FGGY: variants seen among roughly 807,000 people sequenced by gnomAD.
FGGY encodes FGGY carbohydrate kinase domain-containing protein.
A neutral mutation model predicts 71.3 loss-of-function variants in FGGY; 72 were observed. The observed-to-expected ratio is 1.01, with a 90% CI of 0.84 to 1.23. The LOEUF (loss-of-function observed/expected upper bound fraction) is 1.23. Ranked by LOEUF, FGGY falls within the 50% of genes most tolerant of loss-of-function variation. FGGY has a pLI of 0.00. For synonymous variants in FGGY, 251 were observed against 250.3 expected, an observed-to-expected ratio of 1.00 and a Z score of -0.02; for missense variants, 668 against 682.3, an observed-to-expected ratio of 0.98 and a Z score of 0.23.
intron 14 of FGGY, among the ~76,000 whole-genome samples, chr1:59,743,286 A>G (rs961405366): frequency 6.6e-6 from 1 of 152,148 alleles, no homozygotes; most frequent in African/African-American, 2.4e-5. Flanking sequence ...TAGTTCCATA[A>G]GTTTCCATAG....
At chr1:59,701,369 T>C (rs958687423) in intron 14 of FGGY, among the ~76,000 whole-genome samples, 1 of 152,158 alleles carries the variant, frequency 6.6e-6, no homozygotes, top group African/African-American at 2.4e-5. Flanking sequence ...AGACTGGAAA[T>C]TGACTGAGGA....
chr1:59,417,518 G>A (rs2064676910), intron 5 of FGGY, among the ~76,000 whole-genome samples: 1 of 152,208 alleles, frequency 6.6e-6, no homozygotes, highest in Admixed American at 6.5e-5. Context: ...TTGAGGAAAT[G>A]TCAAACTGTT....
At chr1:59,566,574 G>C (rs527595789) in intron 8 of FGGY, among the ~76,000 whole-genome samples, 98 of 152,120 alleles carry the variant, frequency 6.4e-4, no homozygotes, top group African/African-American at 2.2e-3. Context: ...GAATGAAATT[G>C]AAAGTCCCTA....
intron 4 of FGGY, among the ~76,000 whole-genome samples, chr1:59,372,108 G>A (rs1360979148): frequency 6.6e-6 from 1 of 152,046 alleles, no homozygotes; most frequent in South Asian, 2.1e-4. Context: ...CCTTCAAAAA[G>A]TTAATGAATC....
At chr1:59,762,408 C>G (rs2098350521) in intron 15 of FGGY, 95 bp from the exon 16 acceptor site, 2 of 893,914 alleles carry the variant, frequency 2.2e-6, no homozygotes, top group African/African-American at 1.7e-5. Context: ...TCAGCATCAC[C>G]ACCACACATA....
chr1:59,465,598 T>C (rs1220185626), intron 6 of FGGY, among the ~76,000 whole-genome samples: 2 of 152,282 alleles, frequency 1.3e-5, no homozygotes, highest in African/African-American at 4.8e-5. Flanking sequence ...GATTGTATAT[T>C]TAGAAAACTC....
intron 5 of FGGY, among the ~76,000 whole-genome samples, chr1:59,382,749 C>G (rs1368000827): frequency 6.6e-6 from 1 of 152,102 alleles, no homozygotes; most frequent in Admixed American, 6.6e-5. Flanking sequence ...GGGCAATACC[C>G]CATTGGCCTG....
chr1:59,510,208 G>C (rs2094487064), intron 6 of FGGY, among the ~76,000 whole-genome samples: 1 of 152,056 alleles, frequency 6.6e-6, no homozygotes. Flanking sequence ...CCTGTCTTCA[G>C]CTCTTAGGCT....
chr1:59,447,710 C>T (rs1348849582), intron 5 of FGGY, among the ~76,000 whole-genome samples: 1 of 152,200 alleles, frequency 6.6e-6, no homozygotes, highest in Admixed American at 6.5e-5. Context: ...GGTTCTCCTC[C>T]TCTCTTGTCT....
chr1:59,731,104 G>A (rs1298606647), intron 14 of FGGY, among the ~76,000 whole-genome samples: 1 of 152,198 alleles, frequency 6.6e-6, no homozygotes, highest in Non-Finnish European at 1.5e-5. Flanking sequence ...TCTGGTGGAG[G>A]AGCAGAACAC....
chr1:59,609,043 G>A (rs1192107708), intron 9 of FGGY, among the ~76,000 whole-genome samples: 3 of 152,172 alleles, frequency 2.0e-5, no homozygotes, highest in Non-Finnish European at 4.4e-5. Context: ...TCTTTACAGG[G>A]GAGAAGGCAT....
intron 1 of FGGY, among the ~76,000 whole-genome samples, chr1:59,304,769 A>G (rs2153083496): frequency 1.3e-5 from 2 of 152,206 alleles, no homozygotes; most frequent in East Asian, 3.9e-4. Flanking sequence ...TTTTCAATAT[A>G]CAAATCTTTC....
chr1:59,480,565 C>T (rs990612036), intron 6 of FGGY, among the ~76,000 whole-genome samples: 1 of 152,144 alleles, frequency 6.6e-6, no homozygotes, highest in African/African-American at 2.4e-5. Flanking sequence ...TTGCCAGTCA[C>T]ATTTCAGCCT....
At chr1:59,325,225 C>T (rs1019376067) in intron 2 of FGGY, among the ~76,000 whole-genome samples, 8 of 151,942 alleles carry the variant, frequency 5.3e-5, no homozygotes, top group Admixed American at 3.3e-4. Context: ...GGTGTGGTGG[C>T]GGGCGCCTGT....
At chr1:59,715,972 C>T (rs569151348) in intron 14 of FGGY, among the ~76,000 whole-genome samples, 23 of 152,312 alleles carry the variant, frequency 1.5e-4, no homozygotes, top group African/African-American at 4.6e-4. Context: ...ATTGTGACAG[C>T]GACCAAATGG....
intron 8 of FGGY, among the ~76,000 whole-genome samples, chr1:59,558,269 CTAGAAT>C (rs891152755): frequency 2.0e-5 from 3 of 151,966 alleles, no homozygotes; most frequent in African/African-American, 7.3e-5. Flanking sequence ...TGGTTATGGA[CTAGAAT>C]TAGAGACATC....
chr1:59,534,805 C>T (rs991766915), intron 7 of FGGY, among the ~76,000 whole-genome samples: 11 of 152,094 alleles, frequency 7.2e-5, no homozygotes, highest in Non-Finnish European at 1.2e-4. Context: ...ACCACCAGGC[C>T]TGCCCTAAAA....
intron 8 of FGGY, among the ~76,000 whole-genome samples, chr1:59,580,252 C>A (rs2096166772): frequency 6.6e-6 from 1 of 152,178 alleles, no homozygotes; most frequent in Non-Finnish European, 1.5e-5. Flanking sequence ...TTTTTCACCA[C>A]TGAATCCCCA....
intron 6 of FGGY, among the ~76,000 whole-genome samples, chr1:59,471,195 G>C (rs2092923589): frequency 8.0e-6 from 1 of 124,504 alleles, no homozygotes; most frequent in African/African-American, 2.9e-5. Context: ...TGATAGTGAA[G>C]GAGTTCTCAG....
Sources: allele counts gnomAD v4.1 joint callset (sites outside exome capture counted in the v4.1 genomes callset), GRCh38; gene constraint gnomAD v4.1.1; transcripts MANE v1.5; gene names NCBI Gene and HGNC (gene_info 2026-07-23, HGNC 2026-07-21).